The following PGM2 variants were observed in gnomAD, a reference collection of about 807,000 sequenced individuals.
PGM2 encodes phosphopentomutase.
PGM2 carries 57 observed loss-of-function variants against 74.6 expected under a neutral mutation model. That is an observed-to-expected ratio of 0.76 (90% CI 0.62 to 0.95). The LOEUF (loss-of-function observed/expected upper bound fraction) is 0.95. Ranked by LOEUF, PGM2 falls within the 40% of genes least tolerant of loss-of-function variation. The probability of loss-of-function intolerance (pLI) is 0.00; values close to 1 mark genes in which losing one functional copy is unlikely to be tolerated. For missense variants in PGM2, 706 were observed against 741.9 expected, an observed-to-expected ratio of 0.95 and a Z score of 0.56; for synonymous variants, 273 against 260.7, an observed-to-expected ratio of 1.05 and a Z score of -0.46.
Position 37,848,768 on chromosome 4 carries a change from T to C in PGM2, c.1412+117T>C, listed in dbSNP as rs1577680210. On this transcript the variant is annotated intron_variant, in intron 11 of 13. Transcript: ENST00000381967. ...CTCTTATTTTGGTGATGAATTCTAT[T>C]TCTTATAAAAATTAAATAAGGCTGG... is the stretch of plus-strand genomic sequence containing the variant. 2.2e-5 allele frequency: 19 copies of C among 846,184 alleles called. No homozygotes were observed. The East Asian group carries it at 5.2e-4, about 23-fold the overall frequency. 52.4% of individuals were successfully genotyped at this position (846,184 alleles called of 1,614,324 possible). A position where few individuals can be genotyped will look rare whatever the true frequency, so the allele number is the denominator to read the frequency against.
intron 4 of PGM2, 152 bp from the exon 5 acceptor site, chr4:37,839,696 T>C (rs1157225959): frequency 1.4e-6 from 1 of 698,280 alleles, no homozygotes; most frequent in Non-Finnish European, 2.6e-6. Flanking sequence ...AATTGCATAC[T>C]GCTGGGGTGT....
intron 1 of PGM2, among the ~76,000 whole-genome samples, chr4:37,829,223 A>G (rs746505616): frequency 2.0e-5 from 3 of 152,196 alleles, no homozygotes; most frequent in Non-Finnish European, 4.4e-5. Flanking sequence ...AACTTAAATG[A>G]ATCATGTTAG....
At chr4:37,835,996 C>T (rs893440832) in intron 3 of PGM2, among the ~76,000 whole-genome samples, 2 of 152,198 alleles carry the variant, frequency 1.3e-5, no homozygotes, top group African/African-American at 4.8e-5. Context: ...AAATCGTGAC[C>T]GTGTTCCTCT....
At chr4:37,845,571 T>G in intron 7 of PGM2, 62 bp from the exon 8 acceptor site, 2 of 1,161,530 alleles carry the variant, frequency 1.7e-6, no homozygotes, top group Non-Finnish European at 2.6e-6. Flanking sequence ...TGAATGTTTT[T>G]AAAGACTATC....
At chr4:37,859,880 C>T (rs1043255012) in intron 13 of PGM2, among the ~76,000 whole-genome samples, 32 of 152,238 alleles carry the variant, frequency 2.1e-4, no homozygotes, top group Admixed American at 1.7e-3. Context: ...CTAACCCTGG[C>T]TTAAATGATT....
rs148820368 is a variant in PGM2, at chr4:37,854,539, C to T, written c.1603-1069C>T. On this transcript the variant is annotated intron_variant, in intron 12 of 13. Transcript: ENST00000381967. ...CTAATTTTTGTATTTTTAGTAGAGA[C>T]GGGGTTTTGCCATGTTGGCCAGGCT... Among the ~76,000 whole-genome samples the T allele has an allele frequency of 7.6e-3, 1,151 of 152,088 alleles. 15 individuals are homozygous for T. The highest frequency in any genetic ancestry group is 0.026 in the African/African-American group (1,078 of 41,492).
At chr4:37,858,510 G>A (rs1459964555) in intron 13 of PGM2, among the ~76,000 whole-genome samples, 2 of 130,380 alleles carry the variant, frequency 1.5e-5, no homozygotes, top group Non-Finnish European at 3.1e-5. Context: ...CTAATTTTTT[G>A]GTGTTTTTTT....
chr4:37,847,038 C>T lies in PGM2; in HGVS notation c.1115C>T (p.Thr372Met), dbSNP rs750473953. The T allele has an allele frequency of 1.1e-5, 17 of 1,613,440 alleles. No homozygotes were observed. Among genetic ancestry groups the T allele is most frequent in the African/African-American group, 2.7e-5 (2 of 74,988 alleles). The change falls in exon 9 of 14, where the codon ACG (threonine) becomes ATG (methionine). Residue 372 changes from threonine to methionine, a missense_variant. Thr to Met is a moderately conservative substitution (Grantham distance 81). This residue lies in a region of PGM2 where 359 missense variants were observed against 371.1 expected (regional missense o/e 0.97). Transcript: ENST00000381967. The part of the protein sequence containing the change: ...KNQDRSALKD[T>M]YMLSSTVSSK... Reference sequence around the variant, plus strand: ...CAGGATCGCAGTGCTCTCAAAGACACGTACATGTTGTCCAGCACCGTCTCC... The same window carrying T: ...CAGGATCGCAGTGCTCTCAAAGACATGTACATGTTGTCCAGCACCGTCTCC...
At position 37,839,957 on chromosome 4, in the gene PGM2, G is replaced by T. The variant is rs144462397; in HGVS notation, c.525+26G>T. ...GTATTTTCCTTTTTCTACTCCACACGTACATCCTTCTGTAGGAATCCTGTA... is the reference window on the plus strand; with the variant it reads ...GTATTTTCCTTTTTCTACTCCACACTTACATCCTTCTGTAGGAATCCTGTA... On this transcript the variant is annotated intron_variant, in intron 5 of 13. Transcript: ENST00000381967. The T allele has an allele frequency of 1.3e-4, 201 of 1,494,638 alleles. No individual in the cohort carries two copies. The African/African-American group carries it at 2.5e-3, about 19-fold the overall frequency. The allele number at this position is 1,494,638 out of a possible 1,614,324, so 92.6% of individuals were successfully genotyped here.
chr4:37,840,299 T>C (rs763527870), intron 6 of PGM2, 40 bp downstream of exon 6: 3 of 1,253,644 alleles, frequency 2.4e-6, no homozygotes. Context: ...AGTGAGTTAA[T>C]GTGATTCAGC....
chr4:37,844,518 A>G lies in PGM2; in HGVS notation c.874A>G (p.Lys292Glu). 6.2e-7 allele frequency: 1 copy of G among 1,613,526 alleles called. No individual in the cohort carries two copies. The change falls in exon 7 of 14, where the codon AAA becomes GAA. Residue 292 changes from lysine (K) to glutamate (E), a missense_variant. Transcript: ENST00000381967. Reference sequence around the variant, plus strand: ...TCCGGATCCTGAGTTTCCAACAGTGAAATACCCGAATCCCGAAGAGGGGAA... The same window carrying G: ...TCCGGATCCTGAGTTTCCAACAGTGGAATACCCGAATCCCGAAGAGGGGAA... ...KDPDPEFPTV[K>E]YPNPEEGKGV... is the part of the protein sequence containing the mutation.
intron 6 of PGM2, among the ~76,000 whole-genome samples, chr4:37,840,964 GTA>G (rs58764009): frequency 0.19 from 26,107 of 139,392 alleles, 2,531 homozygotes; most frequent in South Asian, 0.3. Flanking sequence ...GTGTGTGTGT[GTA>G]TATATATATA....
intron 7 of PGM2, 134 bp downstream of exon 7, chr4:37,844,687 G>C (rs985901447): frequency 3.2e-6 from 2 of 622,912 alleles, no homozygotes; most frequent in Non-Finnish European, 5.5e-6. Flanking sequence ...TGTATGTTTG[G>C]CTGGGTGCAG....
intron 6 of PGM2, 46 bp from the exon 7 acceptor site, chr4:37,844,318 C>T (rs751099377): frequency 2.4e-6 from 3 of 1,271,994 alleles, no homozygotes; most frequent in Non-Finnish European, 3.3e-6. Flanking sequence ...GTTTTGAGAG[C>T]CCTGTTTCTG....
intron 12 of PGM2, 134 bp from the exon 13 acceptor site, chr4:37,855,474 G>A (rs1009625684): frequency 4.6e-5 from 33 of 723,816 alleles, no homozygotes; most frequent in Non-Finnish European, 6.4e-5. Context: ...TACATTTTCT[G>A]ATTTCCTCCA....
intron 10 of PGM2, 90 bp from the exon 11 acceptor site, chr4:37,848,432 C>T: frequency 8.6e-7 from 1 of 1,158,718 alleles, no homozygotes. Flanking sequence ...CAACACTGTA[C>T]AACCTCTAAT....
intron 6 of PGM2, among the ~76,000 whole-genome samples, chr4:37,843,907 A>T (rs1277272228): frequency 6.6e-6 from 1 of 152,152 alleles, no homozygotes; most frequent in African/African-American, 2.4e-5. Flanking sequence ...TATGTATGGG[A>T]TAACCCAACA....
At chr4:37,832,203 A>G (rs552064514) in intron 2 of PGM2, among the ~76,000 whole-genome samples, 1 of 152,340 alleles carries the variant, frequency 6.6e-6, no homozygotes, top group South Asian at 2.1e-4. Flanking sequence ...ATTCTTGGAT[A>G]CTTGTAATAG....
intron 11 of PGM2, among the ~76,000 whole-genome samples, chr4:37,849,547 G>A (rs1353063999): frequency 6.6e-6 from 1 of 151,210 alleles, no homozygotes; most frequent in African/African-American, 2.4e-5. Flanking sequence ...GGGTAACTGG[G>A]ATTATAGGTG....
Sources: allele counts gnomAD v4.1 joint callset (sites outside exome capture counted in the v4.1 genomes callset), GRCh38; gene constraint gnomAD v4.1.1; regional missense constraint gnomAD v4.1.1; transcripts MANE v1.5; gene names NCBI Gene and HGNC (gene_info 2026-07-23, HGNC 2026-07-21).